RIMS2: variants seen among roughly 807,000 people sequenced by gnomAD.
The protein encoded by RIMS2 is regulating synaptic membrane exocytosis protein 2.
RIMS2 carries 59 observed loss-of-function variants against 174.4 expected under a neutral mutation model. The observed-to-expected ratio is 0.34, with a 90% confidence interval of 0.27 to 0.42. The LOEUF (loss-of-function observed/expected upper bound fraction) is 0.42, where lower values mean the gene tolerates loss of function less well. Ranked by LOEUF, RIMS2 falls within the 10% of genes least tolerant of loss-of-function variation. The pLI is 1.00. For missense variants in RIMS2, 1,620 were observed against 1,666.3 expected, an observed-to-expected ratio of 0.97 and a Z score of 0.48; for synonymous variants, 606 against 572.5, an observed-to-expected ratio of 1.06 and a Z score of -0.84.
intron 2 of RIMS2, among the ~76,000 whole-genome samples, chr8:103,704,442 T>C (rs1019563635): frequency 6.6e-6 from 1 of 152,068 alleles, no homozygotes; most frequent in Non-Finnish European, 1.5e-5. Flanking sequence ...TGTTTCTGTG[T>C]CTTTGCCTGT....
At chr8:104,008,838 G>C (rs1163097402) in intron 17 of RIMS2, among the ~76,000 whole-genome samples, 4 of 151,860 alleles carry the variant, frequency 2.6e-5, no homozygotes, top group Non-Finnish European at 5.9e-5. Flanking sequence ...AACTAACATA[G>C]AGTCTTTACA....
chr8:103,942,048 A>G (rs2082659579), intron 13 of RIMS2, among the ~76,000 whole-genome samples: 1 of 152,132 alleles, frequency 6.6e-6, no homozygotes. Flanking sequence ...TTACATGGGT[A>G]AACATGTTTC....
intron 1 of RIMS2, 61 bp from the exon 2 acceptor site, chr8:103,652,144 T>G: frequency 1.1e-6 from 1 of 938,480 alleles, no homozygotes; most frequent in Non-Finnish European, 1.5e-6. Flanking sequence ...TGAACACAAA[T>G]TTGTAAATAG....
At position 103,542,561 on chromosome 8, in the gene RIMS2, A is replaced by G. The variant is rs183141205; in HGVS notation, c.176+41499A>G. On this transcript the variant is annotated intron_variant, in intron 1 of 23. Coordinates refer to ENST00000504942, the Ensembl canonical transcript of RIMS2. ...AAGTAAGAATTTCTTAAAATTTTTA[A>G]TTACAAAGAAAATAAATTCACAGGC... is the stretch of plus-strand genomic sequence containing the variant. 2.6e-5 allele frequency among the ~76,000 whole-genome samples: 4 copies of G among 152,320 alleles called. No individual in the cohort carries two copies. The East Asian group carries it at 5.8e-4, about 22-fold the overall frequency.
At chr8:103,722,399 T>G (rs947239676) in intron 2 of RIMS2, among the ~76,000 whole-genome samples, 1 of 152,044 alleles carries the variant, frequency 6.6e-6, no homozygotes, top group Non-Finnish European at 1.5e-5. Flanking sequence ...CAGTGAGAGC[T>G]CTGAGCCTGT....
chr8:104,207,515 A>G (rs1051110525), intron 19 of RIMS2, among the ~76,000 whole-genome samples: 1 of 152,026 alleles, frequency 6.6e-6, no homozygotes, highest in African/African-American at 2.4e-5. Context: ...TCCATAAAAT[A>G]TATTTGTGGG....
chr8:103,523,860 T>C (rs1376265836), intron 1 of RIMS2, among the ~76,000 whole-genome samples: 1 of 152,174 alleles, frequency 6.6e-6, no homozygotes, highest in East Asian at 1.9e-4. Flanking sequence ...TTTTTGCTTA[T>C]GGGATAGTGC....
intron 19 of RIMS2, among the ~76,000 whole-genome samples, chr8:104,020,009 G>T (rs903231086): frequency 6.6e-6 from 1 of 151,996 alleles, no homozygotes; most frequent in African/African-American, 2.4e-5. Flanking sequence ...CTGTTTTATT[G>T]TCAAAAGTAA....
chr8:104,180,463 T>C (rs1321636385), intron 19 of RIMS2, among the ~76,000 whole-genome samples: 5 of 151,566 alleles, frequency 3.3e-5, no homozygotes, highest in South Asian at 2.1e-4. Context: ...GGTTGAAATA[T>C]GTTCAGAAAA....
At chr8:103,626,584 C>T (rs1341136168) in intron 1 of RIMS2, among the ~76,000 whole-genome samples, 1 of 152,154 alleles carries the variant, frequency 6.6e-6, no homozygotes, top group Admixed American at 6.5e-5. Context: ...TCCAGTAATG[C>T]ATATATTGAT....
At chr8:103,585,569 C>T (rs2133050839) in intron 1 of RIMS2, among the ~76,000 whole-genome samples, 1 of 152,264 alleles carries the variant, frequency 6.6e-6, no homozygotes, top group South Asian at 2.1e-4. Context: ...AGAATGACTT[C>T]ATGTCCTTTG....
chr8:103,614,675 T>C (rs2095465358), intron 1 of RIMS2, among the ~76,000 whole-genome samples: 1 of 152,246 alleles, frequency 6.6e-6, no homozygotes, highest in African/African-American at 2.4e-5. Flanking sequence ...CCCTCCTTTC[T>C]ACTCAAGTTT....
At chr8:103,827,291 C>A (rs2154477214) in intron 3 of RIMS2, among the ~76,000 whole-genome samples, 1 of 152,224 alleles carries the variant, frequency 6.6e-6, no homozygotes, top group African/African-American at 2.4e-5. Flanking sequence ...ATATTAAAAT[C>A]TAACTTATTT....
intron 1 of RIMS2, among the ~76,000 whole-genome samples, chr8:103,643,534 T>C (rs369225524): frequency 9.1e-4 from 138 of 152,298 alleles, no homozygotes; most frequent in African/African-American, 3.2e-3. Flanking sequence ...TGACATTTTA[T>C]GTTTATCTGG....
upstream of RIMS2, chr8:103,500,614 C>G: frequency 2.8e-6 from 1 of 356,114 alleles, no homozygotes; most frequent in Non-Finnish European, 5.0e-6. Context: ...GCCTCCAGTT[C>G]CCCTTTCCCT....
At chr8:103,619,082 C>G (rs2095571466) in intron 1 of RIMS2, among the ~76,000 whole-genome samples, 1 of 136,484 alleles carries the variant, frequency 7.3e-6, no homozygotes, top group African/African-American at 2.8e-5. Flanking sequence ...TCAATAACTT[C>G]ACTTTTTGCT....
At chr8:103,905,943 A>G (rs1312198285) in intron 4 of RIMS2, among the ~76,000 whole-genome samples, 2 of 151,704 alleles carry the variant, frequency 1.3e-5, no homozygotes, top group African/African-American at 2.4e-5. Context: ...TAAAATTTCC[A>G]TTTGGTTCTT....
intron 19 of RIMS2, among the ~76,000 whole-genome samples, chr8:104,195,954 A>G (rs1246402227): frequency 1.3e-5 from 2 of 152,284 alleles, no homozygotes; most frequent in East Asian, 3.9e-4. Context: ...AGAAACTTAC[A>G]TAGTTGTAGA....
chr8:103,961,422 A>G (rs2090034374), intron 15 of RIMS2, among the ~76,000 whole-genome samples: 7 of 152,118 alleles, frequency 4.6e-5, no homozygotes. Flanking sequence ...GTTCTTGCAT[A>G]ATCAGACTTT....
Sources: gnomAD v4.1 joint callset for allele counts (sites outside exome capture counted in the v4.1 genomes callset) on GRCh38, gnomAD v4.1.1 for gene constraint, MANE v1.5 for transcripts, NCBI Gene and HGNC (gene_info 2026-07-23, HGNC 2026-07-21) for gene names.